The following RBMS1 variants were observed in gnomAD, a reference collection of about 807,000 sequenced individuals.
The protein encoded by RBMS1 is RNA-binding motif, single-stranded-interacting protein 1.
RBMS1 carries 17 observed loss-of-function variants against 62.3 expected under a neutral mutation model. That is an observed-to-expected ratio of 0.27 (90% CI 0.19 to 0.41). The LOEUF (loss-of-function observed/expected upper bound fraction) is 0.41, where lower values mean the gene tolerates loss of function less well. RBMS1 is among the 10% of genes least tolerant of loss of function. The pLI is 1.00. For synonymous variants in RBMS1, 172 were observed against 170.0 expected, an observed-to-expected ratio of 1.01 and a Z score of -0.09; for missense variants, 334 against 504.5, an observed-to-expected ratio of 0.66 and a Z score of 3.24.
intron 2 of RBMS1, among the ~76,000 whole-genome samples, chr2:160,360,293 C>T (rs1294889866): frequency 6.6e-6 from 1 of 152,108 alleles, no homozygotes; most frequent in Non-Finnish European, 1.5e-5. Flanking sequence ...CAACTAGAGG[C>T]TTCCCTCTCA....
chr2:160,430,324 A>C (rs1484712894), intron 1 of RBMS1, among the ~76,000 whole-genome samples: 1 of 152,272 alleles, frequency 6.6e-6, no homozygotes, highest in Admixed American at 6.5e-5. Flanking sequence ...TGAAACAATA[A>C]TACTAGTAAA....
chr2:160,377,316 C>G (rs1488430977), intron 1 of RBMS1, among the ~76,000 whole-genome samples: 8 of 152,124 alleles, frequency 5.3e-5, no homozygotes, highest in Non-Finnish European at 8.8e-5. Flanking sequence ...TGATACTTCC[C>G]ACTAATATTG....
intron 2 of RBMS1, among the ~76,000 whole-genome samples, chr2:160,336,491 T>C (rs575927636): frequency 6.6e-6 from 1 of 152,188 alleles, no homozygotes; most frequent in African/African-American, 2.4e-5. Context: ...CACCTTCTTT[T>C]CTCTTGAAAT....
intron 1 of RBMS1, among the ~76,000 whole-genome samples, chr2:160,396,896 CTCTCTGACCGAGG>C (rs1413083589): frequency 6.6e-6 from 1 of 152,146 alleles, no homozygotes; most frequent in Non-Finnish European, 1.5e-5. Flanking sequence ...GCACGTGGCA[CTCTCTGACCGAGG>C]TCCGGGGACT....
intron 1 of RBMS1, among the ~76,000 whole-genome samples, chr2:160,477,566 CTTTT>C (rs953979642): frequency 6.9e-6 from 1 of 145,526 alleles, no homozygotes; most frequent in Admixed American, 6.9e-5. Context: ...CCATGCCTGG[CTTTT>C]TTTTTTTAAT....
At chr2:160,401,090 T>C (rs944241061) in intron 1 of RBMS1, among the ~76,000 whole-genome samples, 1 of 152,176 alleles carries the variant, frequency 6.6e-6, no homozygotes, top group Non-Finnish European at 1.5e-5. Flanking sequence ...TAAAGGATCA[T>C]AAAAAACAGT....
intron 2 of RBMS1, among the ~76,000 whole-genome samples, chr2:160,324,907 T>TAC (rs1183675474): frequency 0.046 from 4,930 of 106,506 alleles, 175 homozygotes; most frequent in Non-Finnish European, 0.063. Flanking sequence ...TATATATATA[T>TAC]ACACACACAC....
chr2:160,406,701 CCTT>C (rs1404590980), intron 1 of RBMS1, among the ~76,000 whole-genome samples: 4 of 152,314 alleles, frequency 2.6e-5, no homozygotes, highest in East Asian at 1.9e-4. Flanking sequence ...GCTTCAGTAA[CCTT>C]CTTTTAAAAA....
At chr2:160,404,932 G>A (rs1274333189) in intron 1 of RBMS1, among the ~76,000 whole-genome samples, 2 of 152,180 alleles carry the variant, frequency 1.3e-5, no homozygotes, top group African/African-American at 2.4e-5. Flanking sequence ...GCAGGCAGCC[G>A]TAGTGTGGTG....
chr2:160,443,675 G>A (rs1004097838), intron 1 of RBMS1, among the ~76,000 whole-genome samples: 2 of 152,140 alleles, frequency 1.3e-5, no homozygotes, highest in South Asian at 2.1e-4. Context: ...AGCAGATGCC[G>A]ATGCCATGCT....
chr2:160,476,072 G>A (rs1685115251), intron 1 of RBMS1, among the ~76,000 whole-genome samples: 1 of 151,908 alleles, frequency 6.6e-6, no homozygotes, highest in Non-Finnish European at 1.5e-5. Flanking sequence ...TGCACAGGCT[G>A]GTCTCAAACT....
intron 2 of RBMS1, among the ~76,000 whole-genome samples, chr2:160,353,073 T>C (rs941903781): frequency 1.3e-5 from 2 of 152,052 alleles, no homozygotes; most frequent in African/African-American, 2.4e-5. Flanking sequence ...CAAAACAAAA[T>C]ACAGAAATAA....
At chr2:160,479,489 C>T (rs1685276437) in intron 1 of RBMS1, among the ~76,000 whole-genome samples, 1 of 152,256 alleles carries the variant, frequency 6.6e-6, no homozygotes, top group Admixed American at 6.5e-5. Context: ...CAGACACCAG[C>T]TGGTGCCACT....
intron 1 of RBMS1, among the ~76,000 whole-genome samples, chr2:160,466,185 A>G (rs939120725): frequency 6.6e-6 from 1 of 152,170 alleles, no homozygotes; most frequent in East Asian, 1.9e-4. Flanking sequence ...TATTCAATAA[A>G]TTATATGGTA....
At chr2:160,398,771 A>G (rs1263529876) in intron 1 of RBMS1, among the ~76,000 whole-genome samples, 1 of 152,212 alleles carries the variant, frequency 6.6e-6, no homozygotes, top group African/African-American at 2.4e-5. Context: ...AAAAGGTTGC[A>G]GTAACTTTTC....
At chr2:160,304,916 G>A (rs1035798608) in intron 4 of RBMS1, among the ~76,000 whole-genome samples, 39 of 152,006 alleles carry the variant, frequency 2.6e-4, no homozygotes, top group South Asian at 2.1e-4. Context: ...GTGCAGTGGC[G>A]CGATCTCAGC....
chr2:160,424,377 G>GGGGGGAA (rs1553522140), intron 1 of RBMS1, among the ~76,000 whole-genome samples: 1 of 147,264 alleles, frequency 6.8e-6, no homozygotes, highest in African/African-American at 2.6e-5. Flanking sequence ...GGGGGGGGGG[G>GGGGGGAA]AAACAAAAAG....
intron 2 of RBMS1, among the ~76,000 whole-genome samples, chr2:160,362,705 A>G (rs892909605): frequency 6.6e-6 from 1 of 152,244 alleles, no homozygotes; most frequent in Non-Finnish European, 1.5e-5. Context: ...AGAGACATAA[A>G]GTGAGCATAT....
chr2:160,470,598 A>G (rs1684875118), intron 1 of RBMS1, among the ~76,000 whole-genome samples: 1 of 152,130 alleles, frequency 6.6e-6, no homozygotes, highest in African/African-American at 2.4e-5. Flanking sequence ...TGCCTCATCC[A>G]TAGAACATTT....
Sources: gnomAD v4.1 joint callset for allele counts (sites outside exome capture counted in the v4.1 genomes callset) on GRCh38, gnomAD v4.1.1 for gene constraint, MANE v1.5 for transcripts, NCBI Gene and HGNC (gene_info 2026-07-23, HGNC 2026-07-21) for gene names.